Variants in AUH observed in about 807,000 individuals in gnomAD.
The protein encoded by AUH is AU RNA binding methylglutaconyl-CoA hydratase.
Under a neutral mutation model 42.3 loss-of-function variants are expected in AUH, and 29 were observed. That is an observed-to-expected ratio of 0.69 (90% CI 0.51 to 0.93). AUH has a LOEUF of 0.93. Ranked by LOEUF, AUH falls within the 40% of genes least tolerant of loss-of-function variation. AUH has a pLI of 0.00. For synonymous variants in AUH, 174 were observed against 166.4 expected, an observed-to-expected ratio of 1.05 and a Z score of -0.35; for missense variants, 452 against 438.1, an observed-to-expected ratio of 1.03 and a Z score of -0.28.
intron 6 of AUH, among the ~76,000 whole-genome samples, chr9:91,272,334 A>C (rs1744311516): frequency 2.0e-5 from 3 of 152,208 alleles, no homozygotes; most frequent in Admixed American, 2.0e-4. Context: ...GCTGAAGTAC[A>C]CTTAAGGTGC....
At chr9:91,319,760 C>G (rs976188372) in intron 4 of AUH, among the ~76,000 whole-genome samples, 3 of 152,256 alleles carry the variant, frequency 2.0e-5, no homozygotes, top group African/African-American at 7.2e-5. Flanking sequence ...CGCATGCAGA[C>G]AGCCCACCCC....
intron 6 of AUH, among the ~76,000 whole-genome samples, chr9:91,291,386 T>G (rs1826873190): frequency 6.6e-6 from 1 of 152,218 alleles, no homozygotes; most frequent in Admixed American, 6.5e-5. Flanking sequence ...ATTAATCACA[T>G]CCTCATTACC....
intron 4 of AUH, among the ~76,000 whole-genome samples, chr9:91,300,197 TC>T (rs1827675123): frequency 6.6e-6 from 1 of 152,000 alleles, no homozygotes; most frequent in Non-Finnish European, 1.5e-5. Context: ...TTCTCAGCCT[TC>T]TTCCCCTCTC....
At chr9:91,322,796 T>C (rs1829682920) in intron 4 of AUH, among the ~76,000 whole-genome samples, 1 of 152,150 alleles carries the variant, frequency 6.6e-6, no homozygotes, top group Admixed American at 6.5e-5. Context: ...AATCCAGCAA[T>C]ATATTTTAAA....
At chr9:91,246,998 C>G (rs549962874) in intron 6 of AUH, among the ~76,000 whole-genome samples, 1 of 152,328 alleles carries the variant, frequency 6.6e-6, no homozygotes, top group African/African-American at 2.4e-5. Flanking sequence ...CCTTGTTAAG[C>G]CACAGTCAGC....
At chr9:91,298,296 C>A (rs928052640) in intron 4 of AUH, among the ~76,000 whole-genome samples, 2 of 152,102 alleles carry the variant, frequency 1.3e-5, no homozygotes, top group Non-Finnish European at 2.9e-5. Context: ...TGTGCAATAT[C>A]TTTAAATCTT....
chr9:91,326,521 G>C (rs532955038), intron 3 of AUH, among the ~76,000 whole-genome samples: 4 of 152,024 alleles, frequency 2.6e-5, no homozygotes, highest in Admixed American at 2.0e-4. Context: ...GAAGGTGAAA[G>C]AATTAAGAGT....
chr9:91,354,139 G>A (rs1416479937), intron 3 of AUH, among the ~76,000 whole-genome samples: 1 of 151,800 alleles, frequency 6.6e-6, no homozygotes, highest in African/African-American at 2.4e-5. Context: ...CTGCACTCCA[G>A]CCTGGGCAAC....
chr9:91,359,246 CAAAGTG>C (rs1832670213), intron 1 of AUH, among the ~76,000 whole-genome samples: 1 of 152,146 alleles, frequency 6.6e-6, no homozygotes, highest in Non-Finnish European at 1.5e-5. Flanking sequence ...AAAATACACT[CAAAGTG>C]AAAGTCCTCC....
chr9:91,285,542 C>T (rs1826333606), intron 6 of AUH, among the ~76,000 whole-genome samples: 2 of 151,862 alleles, frequency 1.3e-5, no homozygotes, highest in African/African-American at 4.8e-5. Context: ...TTGCCTTATC[C>T]CTGTTTGACT....
intron 4 of AUH, among the ~76,000 whole-genome samples, chr9:91,308,004 AATG>A (rs1209928460): frequency 6.6e-6 from 1 of 152,264 alleles, no homozygotes; most frequent in East Asian, 1.9e-4. Context: ...TAAGTGTAAT[AATG>A]ATGATAAGGT....
At chr9:91,302,520 T>A (rs891704113) in intron 4 of AUH, among the ~76,000 whole-genome samples, 6 of 151,910 alleles carry the variant, frequency 3.9e-5, no homozygotes, top group African/African-American at 1.5e-4. Flanking sequence ...ACCCAGGAAG[T>A]GGAAGTTGCA....
rs375097139 is a variant in AUH at position 91,338,203 on chromosome 9, C to G, written c.419-12799G>C. ...GAAGTGTCCTTTCACTAACCAAAAC[C>G]AAAACCCTCCATTTCTGTCCAGCGT... is the stretch of plus-strand genomic sequence containing the variant. On this transcript the variant is annotated intron_variant, in intron 3 of 9. Transcript: ENST00000375731. Among the ~76,000 whole-genome samples, 32 of 152,314 alleles carry G rather than the reference C, an allele frequency of 2.1e-4. No individual in the cohort carries two copies. In the East Asian group the frequency reaches 2.5e-3, roughly 12 times the overall value.
intron 3 of AUH, among the ~76,000 whole-genome samples, chr9:91,339,988 G>C (rs992898735): frequency 4.6e-5 from 7 of 152,148 alleles, no homozygotes; most frequent in Admixed American, 4.6e-4. Flanking sequence ...ACCTCTCAGA[G>C]GAAGAGCTCC....
chr9:91,355,823 A>C, intron 3 of AUH, 60 bp downstream of exon 3: 1 of 1,443,896 alleles, frequency 6.9e-7, no homozygotes, highest in Non-Finnish European at 9.7e-7. Flanking sequence ...TGGAAAACAG[A>C]TTACTATTGA....
At chr9:91,221,842 G>A (rs1025378370) in intron 6 of AUH, among the ~76,000 whole-genome samples, 3 of 152,082 alleles carry the variant, frequency 2.0e-5, no homozygotes, top group Admixed American at 6.6e-5. Context: ...ATTCACTTCA[G>A]TATCTTCCAG....
In AUH at chr9:91,284,439, C is replaced by A. The variant is rs547761394; in HGVS notation, c.655+11582G>T. 6.6e-5 allele frequency among the ~76,000 whole-genome samples: 10 copies of A among 152,154 alleles called. No homozygotes were observed. In the East Asian group the frequency reaches 1.3e-3, roughly 21 times the overall value. On this transcript the variant is annotated intron_variant, in intron 6 of 9. Coordinates refer to ENST00000375731, the MANE Select transcript of AUH (RefSeq NM_001698.3). The stretch of plus-strand genomic sequence containing the variant: ...ATGTCTAAAACACCAAAAGCAATGG[C>A]GACAAAAGCCAAAATAGACAAATGG...
At chr9:91,320,819 G>A (rs1829514366) in intron 4 of AUH, among the ~76,000 whole-genome samples, 1 of 152,170 alleles carries the variant, frequency 6.6e-6, no homozygotes, top group Admixed American at 6.5e-5. Context: ...GAATACATAA[G>A]TTGGGGTTGA....
chr9:91,331,270 C>G (rs972341386), intron 3 of AUH, among the ~76,000 whole-genome samples: 1 of 152,086 alleles, frequency 6.6e-6, no homozygotes, highest in African/African-American at 2.4e-5. Flanking sequence ...AAGGTGGTGA[C>G]CATGTCACAA....
Sources: gnomAD v4.1 joint callset for allele counts (sites outside exome capture counted in the v4.1 genomes callset) on GRCh38, gnomAD v4.1.1 for gene constraint, MANE v1.5 for transcripts, NCBI Gene and HGNC (gene_info 2026-07-23, HGNC 2026-07-21) for gene names.